STK10: variants seen among roughly 807,000 people sequenced by gnomAD.
STK10 encodes the protein serine/threonine-protein kinase 10.
In STK10, 78 loss-of-function variants were observed where a neutral mutation model predicts 113.8. That is an observed-to-expected ratio of 0.69 (90% CI 0.57 to 0.83). The LOEUF is 0.83. STK10 is among the 40% of genes least tolerant of loss of function. STK10 has a pLI of 0.00. For synonymous variants in STK10, 465 were observed against 494.7 expected, an observed-to-expected ratio of 0.94 and a Z score of 0.80; for missense variants, 1,109 against 1,280.1, an observed-to-expected ratio of 0.87 and a Z score of 2.04.
chr5:172,093,885 A>T lies in STK10; in HGVS notation c.1081T>A (p.Ser361Thr). ...SLNADKPLEE[S>T]PSTPLAPSQS... ...CTGGGTGCCAGCGGGGTGGAAGGTG[A>T]CTCCTCGAGAGGCTTGTCAGCATTG... Residue 361 changes from serine to threonine, a missense_variant, in exon 9 of 19, where the codon TCA becomes ACA. Coordinates refer to ENST00000176763, the MANE Select transcript of STK10 (RefSeq NM_005990.4). This position sits in a 1 kb window ranked among gnomAD's most constrained non-coding sequence, Gnocchi z 4.1. 6.4e-7 allele frequency: 1 copy of T among 1,558,380 alleles called. No homozygotes were observed. The highest frequency in any genetic ancestry group is 1.9e-5 in the Admixed American group (1 of 53,862).
At chr5:172,152,542 C>T (rs537474611) in intron 2 of STK10, among the ~76,000 whole-genome samples, 21 of 152,248 alleles carry the variant, frequency 1.4e-4, no homozygotes, top group Admixed American at 5.2e-4. Context: ...CTGTCTATGC[C>T]GTCCAATATG....
intron 2 of STK10, among the ~76,000 whole-genome samples, 169 bp downstream of exon 2, chr5:172,156,455 C>G (rs1482748828): frequency 6.6e-6 from 1 of 152,234 alleles, no homozygotes; most frequent in East Asian, 1.9e-4. Context: ...GGAGGCACCA[C>G]AGGAAAGGGT....
At chr5:172,073,442 G>A (rs1217342545) in intron 12 of STK10, among the ~76,000 whole-genome samples, 4 of 151,772 alleles carry the variant, frequency 2.6e-5, no homozygotes, top group East Asian at 2.0e-4. Flanking sequence ...ATGAGTCACC[G>A]CACCCAACCT....
intron 1 of STK10, among the ~76,000 whole-genome samples, chr5:172,164,211 TAAAAAAAAAAA>T (rs57573746): frequency 5.9e-5 from 5 of 84,630 alleles, no homozygotes; most frequent in African/African-American, 9.5e-5. Context: ...AAACTCCATC[TAAAAAAAAAAA>T]AAAAAAAAAA....
At chr5:172,117,424 C>G in intron 4 of STK10, 57 bp downstream of exon 4, 2 of 1,596,870 alleles carry the variant, frequency 1.3e-6, no homozygotes, top group Non-Finnish European at 1.7e-6. Context: ...AGAGGCCAGG[C>G]CAACACCCCC....
Position 172,061,269 on chromosome 5 carries a change from C to T in STK10, c.2083-1G>A. ...TCTGCTTGGCTACAAAGTCCCGGTC[C>T]TGTGGGGAGAGAGGAGGACAGGCCT... On this transcript the variant is annotated splice_acceptor_variant, in intron 13 of 18. Transcript: ENST00000176763. LOFTEE classifies it high-confidence loss of function. The T allele has an allele frequency of 1.2e-6, 2 of 1,610,598 alleles. No individual in the cohort carries two copies. Among genetic ancestry groups the T allele is most frequent in the Non-Finnish European group, 1.7e-6 (2 of 1,179,274 alleles).
At chr5:172,054,339 T>C (rs1218854998) in intron 17 of STK10, among the ~76,000 whole-genome samples, 4 of 152,162 alleles carry the variant, frequency 2.6e-5, no homozygotes, top group African/African-American at 7.2e-5. Context: ...GCAGGAATGG[T>C]CATCCCCATG....
intron 12 of STK10, among the ~76,000 whole-genome samples, chr5:172,067,371 GAATAAATAAATAAATAAATA>G (rs59853296): frequency 0.36 from 53,612 of 147,042 alleles, 9,842 homozygotes; most frequent in Admixed American, 0.4. Flanking sequence ...TAAATAAATA[GAATAAATAAATAAATAAATA>G]AATAAATAAA....
At chr5:172,116,591 G>A (rs1769389547) in intron 4 of STK10, among the ~76,000 whole-genome samples, 1 of 152,062 alleles carries the variant, frequency 6.6e-6, no homozygotes, top group Admixed American at 6.6e-5. Context: ...TTTTGAGCCG[G>A]GCGGGGTGGT....
chr5:172,085,968 T>C (rs1042250077), intron 10 of STK10, among the ~76,000 whole-genome samples: 5 of 151,698 alleles, frequency 3.3e-5, no homozygotes, highest in African/African-American at 1.2e-4. Flanking sequence ...CAAGGAGGGG[T>C]TGGGCAGTGC....
chr5:172,136,176 G>C (rs1046660936), intron 2 of STK10, among the ~76,000 whole-genome samples: 1 of 152,154 alleles, frequency 6.6e-6, no homozygotes, highest in African/African-American at 2.4e-5. Context: ...ACAACTGTAT[G>C]ACAACAAATT....
chr5:172,091,731 A>G (rs1768711795), intron 9 of STK10, among the ~76,000 whole-genome samples: 1 of 152,030 alleles, frequency 6.6e-6, no homozygotes, highest in South Asian at 2.1e-4. Flanking sequence ...ACAGGGTTTC[A>G]CCATGTTGGT....
chr5:172,096,504 C>T lies in STK10; in HGVS notation c.927G>A (p.Glu309=). 6.2e-7 allele frequency: 1 copy of T among 1,613,848 alleles called. No homozygotes were observed. Residue 309 remains glutamate (E), a synonymous_variant, in exon 8 of 19, where the codon GAG becomes GAA. Coordinates refer to ENST00000176763, the MANE Select transcript of STK10 (RefSeq NM_005990.4). ...TCTCTTCCATCACCTCGGCCTTGGCCTCAGCCACCAGCTCCCGCAGAGCCT... is the reference window on the plus strand; with the variant it reads ...TCTCTTCCATCACCTCGGCCTTGGCTTCAGCCACCAGCTCCCGCAGAGCCT... ...SNKALRELVA[E]AKAEVMEEIE... is the part of the protein sequence containing the mutation.
intron 1 of STK10, among the ~76,000 whole-genome samples, chr5:172,157,540 A>G (rs979288432): frequency 6.6e-6 from 1 of 152,144 alleles, no homozygotes; most frequent in Non-Finnish European, 1.5e-5. Context: ...TGGGTGACAG[A>G]GTGAGACTCC....
intron 2 of STK10, among the ~76,000 whole-genome samples, chr5:172,141,499 T>G (rs1374766146): frequency 2.6e-5 from 4 of 151,290 alleles, no homozygotes; most frequent in African/African-American, 9.7e-5. Context: ...GAGGATGGCT[T>G]GTGCCCAGGA....
At chr5:172,054,843 T>A in intron 16 of STK10, 149 bp from the exon 17 acceptor site, 1 of 1,196,868 alleles carries the variant, frequency 8.4e-7, no homozygotes, top group Non-Finnish European at 1.2e-6. Flanking sequence ...GCTGTGCCCG[T>A]GTTAAGTCCT....
In STK10 at chr5:172,090,996, A is replaced by G. The variant is rs75874735; in HGVS notation, c.1555-634T>C. ...CGTTCTAACCCTCACTGCACCACTT[A>G]CTTGCTCTGTGTCTCTGGGCCAGCC... On this transcript the variant is annotated intron_variant, in intron 9 of 18. Coordinates refer to ENST00000176763, the MANE Select transcript of STK10 (RefSeq NM_005990.4). Among the ~76,000 whole-genome samples the G allele has an allele frequency of 4.1e-3, 603 of 147,646 alleles. 4 individuals are homozygous for G. The highest frequency in any genetic ancestry group is 0.014 in the African/African-American group (576 of 39,770).
chr5:172,106,881 G>A, intron 5 of STK10, 67 bp from the exon 6 acceptor site: 1 of 1,489,254 alleles, frequency 6.7e-7, no homozygotes, highest in East Asian at 2.4e-5. Context: ...TGGACATTCA[G>A]GGTCAAGGGC....
intron 12 of STK10, among the ~76,000 whole-genome samples, chr5:172,072,975 T>G (rs1169742384): frequency 6.6e-6 from 1 of 152,146 alleles, no homozygotes; most frequent in Non-Finnish European, 1.5e-5. Flanking sequence ...CAATGAACAA[T>G]TAGAATTTTT....
Sources: gnomAD v4.1 joint callset for allele counts (sites outside exome capture counted in the v4.1 genomes callset) on GRCh38, gnomAD v4.1.1 for gene constraint, Gnocchi (gnomAD v3.1) non-coding constraint, MANE v1.5 for transcripts, NCBI Gene and HGNC (gene_info 2026-07-23, HGNC 2026-07-21) for gene names.